Variants in NOL4L observed in about 807,000 individuals in gnomAD.
NOL4L encodes nucleolar protein 4 like.
NOL4L carries 7 observed loss-of-function variants against 64.5 expected under a neutral mutation model. That is an observed-to-expected ratio of 0.11 (90% CI 0.06 to 0.20). The LOEUF is 0.20. NOL4L is among the 10% of genes least tolerant of loss of function. The probability of loss-of-function intolerance (pLI) is 1.00; values close to 1 mark genes in which losing one functional copy is unlikely to be tolerated. For missense variants in NOL4L, 680 were observed against 967.1 expected (o/e 0.70, Z 3.94); for synonymous variants, 413 against 401.0 (o/e 1.03, Z -0.36).
intron 4 of NOL4L, among the ~76,000 whole-genome samples, chr20:32,491,709 C>T (rs2016477613): frequency 6.6e-6 from 1 of 152,214 alleles, no homozygotes; most frequent in African/African-American, 2.4e-5. Flanking sequence ...TTTTCCCTCC[C>T]TTCTTTCCTG....
chr20:32,490,679 CAACT>C (rs2016430869), intron 4 of NOL4L, among the ~76,000 whole-genome samples: 1 of 152,192 alleles, frequency 6.6e-6, no homozygotes, highest in Non-Finnish European at 1.5e-5. Context: ...ATTACGAATA[CAACT>C]AACTGAGCCT....
At chr20:32,580,718 A>G (rs888063851) in intron 1 of NOL4L, among the ~76,000 whole-genome samples, 1 of 152,172 alleles carries the variant, frequency 6.6e-6, no homozygotes, top group East Asian at 1.9e-4. Context: ...CTGGCTCTCA[A>G]CAAATGGAAA....
In NOL4L at chr20:32,574,239, G is replaced by A. The variant is rs1033259519; in HGVS notation, c.321+10331C>T. Among the ~76,000 whole-genome samples the A allele has an allele frequency of 3.3e-5, 5 of 152,330 alleles. No individual in the cohort carries two copies. The South Asian group carries it at 8.3e-4, about 25-fold the overall frequency. On this transcript the variant is annotated intron_variant, in intron 1 of 10. Transcript: ENST00000621426. Reference sequence around the variant, plus strand: ...GTCAAGAGCCCCTGTTGCCCGGGGAGACCCCTCTTCACATCCTCATGACAA... The same window carrying A: ...GTCAAGAGCCCCTGTTGCCCGGGGAAACCCCTCTTCACATCCTCATGACAA...
intron 1 of NOL4L, among the ~76,000 whole-genome samples, chr20:32,545,314 G>T (rs1232181698): frequency 6.6e-6 from 1 of 152,132 alleles, no homozygotes; most frequent in Non-Finnish European, 1.5e-5. Context: ...TTTCATGAAA[G>T]AAGAAAAACA....
chr20:32,447,261 T>C lies in NOL4L; in HGVS notation c.*335A>G, dbSNP rs1569354802. ...GACTTGAAAGGTAATTATCTGGGGG[T>C]GGGATTCTAACATCAGGGTCCACGA... On this transcript the variant is annotated 3_prime_UTR_variant, in exon 11 of 11. Transcript: ENST00000621426. 1.8e-6 allele frequency: 1 copy of C among 543,046 alleles called. No individual in the cohort carries two copies. Among genetic ancestry groups the C allele is most frequent in the Non-Finnish European group, 3.5e-6 (1 of 284,558 alleles). The allele number at this position is 543,046 out of a possible 1,614,324, so 33.6% of individuals were successfully genotyped here.
intron 4 of NOL4L, among the ~76,000 whole-genome samples, chr20:32,483,136 G>A (rs1250628434): frequency 4.8e-5 from 5 of 104,186 alleles, no homozygotes; most frequent in Non-Finnish European, 8.3e-5. Flanking sequence ...ACACTCACCC[G>A]CCCCCCGCCC....
At chr20:32,531,726 A>T (rs2018354366) in intron 1 of NOL4L, among the ~76,000 whole-genome samples, 2 of 152,158 alleles carry the variant, frequency 1.3e-5, no homozygotes, top group South Asian at 4.1e-4. Flanking sequence ...GGATGTTCCA[A>T]GGATCAAGAA....
chr20:32,465,291 G>A (rs961983404), intron 5 of NOL4L, among the ~76,000 whole-genome samples: 1 of 152,150 alleles, frequency 6.6e-6, no homozygotes, highest in Admixed American at 6.5e-5. Context: ...CATCACCCGG[G>A]ATGAGTGGAG....
rs577591146 is a variant in NOL4L at position 32,575,406 on chromosome 20, G to C, written c.321+9164C>G. Among the ~76,000 whole-genome samples, 29 of 152,256 alleles carry C rather than the reference G, an allele frequency of 1.9e-4. 1 individual carries two copies. The highest frequency in any genetic ancestry group is 1.6e-3 in the Admixed American group (24 of 15,304). On this transcript the variant is annotated intron_variant, in intron 1 of 10. Coordinates refer to ENST00000621426, the MANE Select transcript of NOL4L (RefSeq NM_001256798.2). ...CCCGCCAAAACCAGTCCCACCCCCC[G>C]GAATGAGCTTCCCTATGCTCTGCTC...
At chr20:32,496,428 G>A (rs1014496913) in intron 4 of NOL4L, among the ~76,000 whole-genome samples, 10 of 152,178 alleles carry the variant, frequency 6.6e-5, no homozygotes, top group Non-Finnish European at 1.5e-4. Context: ...AGGCCTGTGA[G>A]CTCCTAGGGA....
intron 4 of NOL4L, among the ~76,000 whole-genome samples, chr20:32,503,601 A>G (rs1180536719): frequency 2.6e-5 from 4 of 152,244 alleles, no homozygotes; most frequent in Non-Finnish European, 5.9e-5. Flanking sequence ...AGGAGCAGAC[A>G]CAGATGCTCA....
intron 4 of NOL4L, among the ~76,000 whole-genome samples, chr20:32,488,819 TTCTTTCTTTTTC>T (rs780247875): frequency 4.9e-3 from 89 of 17,982 alleles, no homozygotes; most frequent in Admixed American, 6.1e-3. Flanking sequence ...CTTTCTTTCT[TTCTTTCTTTTTC>T]TTTCTTTCTT....
chr20:32,478,053 G>A lies in NOL4L; in HGVS notation c.700-3311C>T, dbSNP rs1159122181. Among the ~76,000 whole-genome samples the A allele has an allele frequency of 3.9e-5, 6 of 152,306 alleles. No homozygotes were observed. In the East Asian group the frequency reaches 5.8e-4, roughly 15 times the overall value. ...CCCCGCCTGCCCCAACTGCCCAGGGGCACGAAGCCAGCAGCACAGCTGGTG... is the reference window on the plus strand; with the variant it reads ...CCCCGCCTGCCCCAACTGCCCAGGGACACGAAGCCAGCAGCACAGCTGGTG... On this transcript the variant is annotated intron_variant, in intron 4 of 10. Transcript: ENST00000621426.
intron 1 of NOL4L, among the ~76,000 whole-genome samples, chr20:32,556,393 A>G (rs1010140855): frequency 1.3e-5 from 2 of 152,198 alleles, no homozygotes; most frequent in African/African-American, 4.8e-5. Context: ...GCAAAAGACA[A>G]GGTGCCTCGT....
At chr20:32,508,804 T>A (rs949009511) in intron 4 of NOL4L, among the ~76,000 whole-genome samples, 2 of 152,212 alleles carry the variant, frequency 1.3e-5, no homozygotes, top group Non-Finnish European at 2.9e-5. Context: ...AATTCCTGCA[T>A]CTCAGGTCAT....
chr20:32,526,727 A>G (rs1355746297), intron 2 of NOL4L, among the ~76,000 whole-genome samples: 5 of 152,178 alleles, frequency 3.3e-5, no homozygotes, highest in Admixed American at 3.3e-4. Context: ...GACCTTGGAC[A>G]AGTGACCCAA....
intron 3 of NOL4L, among the ~76,000 whole-genome samples, chr20:32,513,384 C>T (rs891484549): frequency 5.9e-5 from 9 of 152,248 alleles, no homozygotes; most frequent in Middle Eastern, 3.4e-3. Context: ...TCTACTTACA[C>T]GAAATACTTA....
chr20:32,558,483 G>C (rs957548166), intron 1 of NOL4L, among the ~76,000 whole-genome samples: 11 of 152,196 alleles, frequency 7.2e-5, no homozygotes, highest in African/African-American at 2.7e-4. Context: ...ACTATTGAGG[G>C]CATCACCGCT....
intron 4 of NOL4L, among the ~76,000 whole-genome samples, chr20:32,501,085 A>G (rs150489477): frequency 2.6e-4 from 40 of 152,296 alleles, no homozygotes; most frequent in Non-Finnish European, 5.0e-4. Flanking sequence ...CAGTGTGGAA[A>G]GAGGGAAAAG....
Sources: allele counts gnomAD v4.1 joint callset (sites outside exome capture counted in the v4.1 genomes callset), GRCh38; gene constraint gnomAD v4.1.1; transcripts MANE v1.5; gene names NCBI Gene and HGNC (gene_info 2026-07-23, HGNC 2026-07-21).